Variants in NMNAT3 observed in about 807,000 individuals in gnomAD.
NMNAT3 encodes nicotinamide nucleotide adenylyltransferase 3.
NMNAT3 carries 21 observed loss-of-function variants against 24.8 expected under a neutral mutation model. The observed-to-expected ratio is 0.85, with a 90% CI of 0.60 to 1.22. NMNAT3 has a LOEUF of 1.22. Among genes scored for constraint, NMNAT3 ranks in the 50% most tolerant of loss-of-function variants. NMNAT3 has a pLI of 0.00. For missense variants in NMNAT3, 387 were observed against 436.6 expected (o/e 0.89, Z 1.01); for synonymous variants, 136 against 155.2 (o/e 0.88, Z 0.92).
At chr3:139,576,378 G>C in intron 5 of NMNAT3, 4 of 580,672 alleles carry the variant, frequency 6.9e-6, no homozygotes, top group Non-Finnish European at 8.7e-6. Context: ...TGTGTTGACT[G>C]TAACAGTGAT....
At chr3:139,653,804 T>G (rs1352864194) in intron 1 of NMNAT3, among the ~76,000 whole-genome samples, 2 of 152,214 alleles carry the variant, frequency 1.3e-5, no homozygotes, top group South Asian at 4.1e-4. Flanking sequence ...ACTCACTGCT[T>G]GAGTCACAGT....
At chr3:139,654,037 A>G (rs113862262) in intron 1 of NMNAT3, among the ~76,000 whole-genome samples, 2 of 152,160 alleles carry the variant, frequency 1.3e-5, no homozygotes, top group African/African-American at 4.8e-5. Context: ...GAGCACACAC[A>G]GTCTTACACT....
chr3:139,578,400 G>A (rs1939642990), intron 5 of NMNAT3, among the ~76,000 whole-genome samples: 1 of 152,170 alleles, frequency 6.6e-6, no homozygotes, highest in East Asian at 1.9e-4. Flanking sequence ...TATAGATGTA[G>A]TTTTCAACTT....
intron 3 of NMNAT3, among the ~76,000 whole-genome samples, chr3:139,605,180 A>G (rs1266195805): frequency 6.6e-6 from 1 of 152,206 alleles, no homozygotes; most frequent in African/African-American, 2.4e-5. Context: ...TGAGGGCGGC[A>G]CAAAGGGTGC....
chr3:139,586,844 T>G (rs1450559743), intron 3 of NMNAT3, among the ~76,000 whole-genome samples: 1 of 152,012 alleles, frequency 6.6e-6, no homozygotes, highest in Non-Finnish European at 1.5e-5. Flanking sequence ...CTTTTTGGCC[T>G]GAGGGTGAGG....
chr3:139,576,327 AAAT>A, intron 5 of NMNAT3: 1 of 883,492 alleles, frequency 1.1e-6, no homozygotes. Context: ...AACTTACTCC[AAAT>A]AATAATTTTA....
intron 3 of NMNAT3, among the ~76,000 whole-genome samples, chr3:139,615,437 A>ATCTG (rs2055443595): frequency 6.7e-6 from 1 of 149,468 alleles, no homozygotes; most frequent in African/African-American, 2.5e-5. Flanking sequence ...CTATCTATCT[A>ATCTG]TCTATCTATC....
chr3:139,645,896 A>G (rs1559947787), intron 1 of NMNAT3, among the ~76,000 whole-genome samples: 1 of 152,252 alleles, frequency 6.6e-6, no homozygotes, highest in East Asian at 1.9e-4. Flanking sequence ...AAATGTATCC[A>G]ATTAAAGAAT....
intron 3 of NMNAT3, among the ~76,000 whole-genome samples, chr3:139,610,672 G>A (rs2055169210): frequency 6.6e-6 from 1 of 152,176 alleles, no homozygotes; most frequent in Admixed American, 6.5e-5. Flanking sequence ...ATTTACTCAT[G>A]CTCTTGTGGT....
chr3:139,665,834 G>C (rs1208279389), intron 1 of NMNAT3, among the ~76,000 whole-genome samples: 1 of 151,544 alleles, frequency 6.6e-6, no homozygotes, highest in African/African-American at 2.4e-5. Context: ...CAGAGAGTAT[G>C]AAATATTGTT....
intron 3 of NMNAT3, among the ~76,000 whole-genome samples, chr3:139,598,029 A>T (rs981577663): frequency 1.3e-5 from 2 of 152,246 alleles, no homozygotes; most frequent in African/African-American, 4.8e-5. Flanking sequence ...TCTTATCTGA[A>T]AACAAACAAA....
intron 1 of NMNAT3, among the ~76,000 whole-genome samples, chr3:139,649,613 C>T (rs2056989234): frequency 6.6e-6 from 1 of 152,032 alleles, no homozygotes; most frequent in Non-Finnish European, 1.5e-5. Flanking sequence ...CAGCTTCTCC[C>T]CAGTGAGCAG....
chr3:139,586,234 G>A (rs1187766261), intron 3 of NMNAT3, among the ~76,000 whole-genome samples: 2 of 152,190 alleles, frequency 1.3e-5, no homozygotes, highest in African/African-American at 2.4e-5. Context: ...AGGGTGGAGG[G>A]TGGAGAGTGA....
chr3:139,665,725 G>GGAGAGAGAGA (rs10547665), intron 1 of NMNAT3, among the ~76,000 whole-genome samples: 285 of 139,638 alleles, frequency 2.0e-3, no homozygotes, highest in Middle Eastern at 7.3e-3. Flanking sequence ...ATTTGTAACA[G>GGAGAGAGAGA]GAGAGAGAGA....
intron 3 of NMNAT3, among the ~76,000 whole-genome samples, chr3:139,621,504 TGTG>T (rs2055771010): frequency 6.6e-6 from 1 of 152,192 alleles, no homozygotes; most frequent in African/African-American, 2.4e-5. Context: ...CCCGAGTAGC[TGTG>T]ATTACAGGTG....
chr3:139,621,304 T>G (rs34067512), intron 3 of NMNAT3, among the ~76,000 whole-genome samples: 51,963 of 152,104 alleles, frequency 0.34, 9,088 homozygotes, highest in Admixed American at 0.45. Flanking sequence ...TATACTAATA[T>G]TTCATCCATA....
At chr3:139,649,309 A>G (rs1021330348) in intron 1 of NMNAT3, among the ~76,000 whole-genome samples, 2 of 141,686 alleles carry the variant, frequency 1.4e-5, no homozygotes, top group African/African-American at 5.2e-5. Context: ...ATGTTGCAGG[A>G]TGGCAAGCAA....
At chr3:139,575,842 G>A in intron 5 of NMNAT3, 6 of 1,230,708 alleles carry the variant, frequency 4.9e-6, no homozygotes, top group South Asian at 2.9e-5. Context: ...ACTGTGGGAG[G>A]TGTAAAGCCA....
At chr3:139,620,265 A>G (rs2055705558) in intron 3 of NMNAT3, among the ~76,000 whole-genome samples, 1 of 150,694 alleles carries the variant, frequency 6.6e-6, no homozygotes, top group Non-Finnish European at 1.5e-5. Flanking sequence ...AATAAAGTGC[A>G]TATCTTTAAA....
Sources: gnomAD v4.1 joint callset for allele counts (sites outside exome capture counted in the v4.1 genomes callset) on GRCh38, gnomAD v4.1.1 for gene constraint, MANE v1.5 for transcripts, NCBI Gene and HGNC (gene_info 2026-07-23, HGNC 2026-07-21) for gene names.